The following CDK19 variants were observed in gnomAD, a reference collection of about 807,000 sequenced individuals.
CDK19 encodes the protein cyclin dependent kinase 19.
In CDK19, 20 loss-of-function variants were observed where a neutral mutation model predicts 68.3. The ratio of observed to expected loss-of-function variants is 0.29; its 90% CI spans 0.21 to 0.43. CDK19 has a LOEUF of 0.43. Ranked by LOEUF, CDK19 falls within the 20% of genes least tolerant of loss-of-function variation. CDK19 has a pLI of 1.00. For synonymous variants in CDK19, 221 were observed against 222.8 expected (o/e 0.99, Z 0.07); for missense variants, 339 against 623.5 (o/e 0.54, Z 4.86).
chr6:110,612,825 AGTGAGCAT>A lies in CDK19; in HGVS notation c.*1702_*1709del, dbSNP rs1032670724. On this transcript the variant is annotated 3_prime_UTR_variant, in exon 13 of 13. Transcript: ENST00000368911. ...GTGTCACTATGCAGACTTCATTATT[AGTGAGCAT>A]TATTATGCTGAGATCAGTAAGGTCC... The A allele has an allele frequency of 2.0e-5, 3 of 152,652 alleles. No homozygotes were observed. The highest frequency in any genetic ancestry group is 7.2e-5 in the African/African-American group (3 of 41,468). 9.5% of individuals were successfully genotyped at this position (152,652 alleles called of 1,614,324 possible).
At chr6:110,784,183 G>T (rs1487027176) in intron 1 of CDK19, among the ~76,000 whole-genome samples, 1 of 135,930 alleles carries the variant, frequency 7.4e-6, no homozygotes, top group Non-Finnish European at 1.6e-5. Context: ...AAAAAGGAAA[G>T]GAGAAAAAGA....
intron 12 of CDK19, among the ~76,000 whole-genome samples, chr6:110,619,318 A>G (rs902801790): frequency 8.5e-5 from 13 of 152,096 alleles, no homozygotes; most frequent in African/African-American, 3.1e-4. Flanking sequence ...GGTGACAAAG[A>G]CTCTTTCCTT....
Position 110,687,981 on chromosome 6 carries a change from A to G in CDK19, c.205-17440T>C, listed in dbSNP as rs906367406. 6.0e-4 allele frequency among the ~76,000 whole-genome samples: 92 copies of G among 152,326 alleles called. 2 individuals are homozygous for G. Among genetic ancestry groups the G allele is most frequent in the Admixed American group, 1.3e-3 (20 of 15,298 alleles). On this transcript the variant is annotated intron_variant, in intron 2 of 12. Coordinates refer to ENST00000368911, the MANE Select transcript of CDK19 (RefSeq NM_015076.5). The stretch of plus-strand genomic sequence containing the variant: ...ACATATTTTTTGCAGGGAGGGGTCA[A>G]ATCTCACATACACTCTCCTCTTTGA...
At chr6:110,745,138 T>C (rs1391984430) in intron 2 of CDK19, among the ~76,000 whole-genome samples, 1 of 152,182 alleles carries the variant, frequency 6.6e-6, no homozygotes, top group African/African-American at 2.4e-5. Context: ...AATAAGGTAA[T>C]ATAATAGTAA....
chr6:110,730,638 C>A (rs894148288), intron 2 of CDK19, among the ~76,000 whole-genome samples: 2 of 152,204 alleles, frequency 1.3e-5, no homozygotes, highest in Admixed American at 6.5e-5. Context: ...AGCTGCTATT[C>A]AACAATTCAT....
intron 1 of CDK19, among the ~76,000 whole-genome samples, chr6:110,777,006 C>A (rs1780445855): frequency 1.3e-5 from 2 of 152,212 alleles, no homozygotes; most frequent in Admixed American, 6.5e-5. Context: ...GCAAGTTAAA[C>A]CCAGACCACT....
At chr6:110,727,039 C>A (rs1034577685) in intron 2 of CDK19, among the ~76,000 whole-genome samples, 5 of 152,004 alleles carry the variant, frequency 3.3e-5, no homozygotes, top group African/African-American at 1.2e-4. Context: ...TATAGGTCAA[C>A]AATAGAATAC....
rs200508729 is a variant in CDK19 at position 110,666,837 on chromosome 6, TAAC to T, written c.456+594_456+596del. 9.6e-3 allele frequency among the ~76,000 whole-genome samples: 1,468 copies of T among 152,184 alleles called. 25 individuals carry two copies. Among genetic ancestry groups the T allele is most frequent in the African/African-American group, 0.033 (1,386 of 41,506 alleles). ...AAACTTGCATCAACATAAACTAAAA[TAAC>T]AACAATGTGAAGATGAATATCTAGC... On this transcript the variant is annotated intron_variant, in intron 4 of 12. Transcript: ENST00000368911.
At chr6:110,708,555 G>A (rs1774699556) in intron 2 of CDK19, among the ~76,000 whole-genome samples, 1 of 152,136 alleles carries the variant, frequency 6.6e-6, no homozygotes, top group Non-Finnish European at 1.5e-5. Flanking sequence ...GTATGGAAGG[G>A]CAGGCTCTCC....
At chr6:110,654,548 C>A (rs1781177083) in intron 4 of CDK19, among the ~76,000 whole-genome samples, 1 of 152,120 alleles carries the variant, frequency 6.6e-6, no homozygotes, top group South Asian at 2.1e-4. Context: ...AATGAGTAAA[C>A]AAATAAGTGA....
chr6:110,742,512 A>C (rs6932798), intron 2 of CDK19, among the ~76,000 whole-genome samples: 2 of 152,238 alleles, frequency 1.3e-5, no homozygotes, highest in Admixed American at 6.5e-5. Flanking sequence ...CTGCGGGGTC[A>C]GGCAGAATAG....
chr6:110,687,639 C>T (rs1203400795), intron 2 of CDK19, among the ~76,000 whole-genome samples: 1 of 152,166 alleles, frequency 6.6e-6, no homozygotes, highest in African/African-American at 2.4e-5. Flanking sequence ...TAAATGATTT[C>T]TTTTATACTA....
chr6:110,626,707 T>C, intron 8 of CDK19, 69 bp downstream of exon 8: 1 of 939,098 alleles, frequency 1.1e-6, no homozygotes, highest in Non-Finnish European at 1.6e-6. Context: ...CTGTTGTTTA[T>C]AAATTACCCA....
Position 110,621,121 on chromosome 6 carries a change from T to A in CDK19, c.1360A>T (p.Met454Leu). 1.2e-6 allele frequency: 2 copies of A among 1,613,600 alleles called. No homozygotes were observed. Among genetic ancestry groups the A allele is most frequent in the Non-Finnish European group, 1.7e-6 (2 of 1,179,774 alleles). ...PSGANSGGPV[M>L]PSDYQHSSSR... The stretch of plus-strand genomic sequence containing the variant: ...GGGAGTACCTGATAATCCGAGGGCA[T>A]CACAGGTCCACCTGAGTTTGCGCCT... The change falls in exon 12 of 13, where the codon ATG becomes TTG. Residue 454 changes from methionine (M) to leucine (L), a missense_variant. Coordinates refer to ENST00000368911, the MANE Select transcript of CDK19 (RefSeq NM_015076.5). The surrounding 1 kb of genome is among the most constrained non-coding windows in gnomAD (Gnocchi z 5.4).
rs566769039 is a variant in CDK19, at chr6:110,650,963, G to C, written c.457-12257C>G. 2.6e-5 allele frequency among the ~76,000 whole-genome samples: 4 copies of C among 152,278 alleles called. No individual in the cohort carries two copies. The South Asian group carries it at 8.3e-4, about 32-fold the overall frequency. Reference sequence around the variant, plus strand: ...AAGGTTTGCAGGAGGGCAAGGGCAAGGTCAAGGTCATGGTGTTTAGAGTGG... The same window carrying C: ...AAGGTTTGCAGGAGGGCAAGGGCAACGTCAAGGTCATGGTGTTTAGAGTGG... On this transcript the variant is annotated intron_variant, in intron 4 of 12. Transcript: ENST00000368911.
At chr6:110,643,253 G>A in intron 4 of CDK19, 1 of 1,184,292 alleles carries the variant, frequency 8.4e-7, no homozygotes, top group Non-Finnish European at 1.1e-6. Flanking sequence ...TATTTCCATA[G>A]TGGATTAAAA....
intron 4 of CDK19, among the ~76,000 whole-genome samples, chr6:110,653,933 T>A (rs1781137963): frequency 6.6e-6 from 1 of 152,168 alleles, no homozygotes; most frequent in Admixed American, 6.5e-5. Context: ...ATTTGCTTTC[T>A]CCCACCCCAA....
intron 1 of CDK19, among the ~76,000 whole-genome samples, chr6:110,769,152 CA>C (rs536664282): frequency 0.061 from 3,077 of 50,528 alleles, 30 homozygotes; most frequent in African/African-American, 0.17. Context: ...GACTCTGTCT[CA>C]AAAAAAAAAA....
At chr6:110,749,460 A>C (rs1207295174) in intron 1 of CDK19, among the ~76,000 whole-genome samples, 1 of 152,098 alleles carries the variant, frequency 6.6e-6, no homozygotes, top group African/African-American at 2.4e-5. Flanking sequence ...TCATGGGCTC[A>C]GATGATCCTC....
Sources: gnomAD v4.1 joint callset for allele counts (sites outside exome capture counted in the v4.1 genomes callset) on GRCh38, gnomAD v4.1.1 for gene constraint, Gnocchi (gnomAD v3.1) non-coding constraint, MANE v1.5 for transcripts, NCBI Gene and HGNC (gene_info 2026-07-23, HGNC 2026-07-21) for gene names.